The following XCR1 variants were observed in gnomAD, a reference collection of about 807,000 sequenced individuals.
The protein encoded by XCR1 is chemokine XC receptor 1.
For missense variants in XCR1, 356 were observed against 424.2 expected (o/e 0.84, Z 1.41); for synonymous variants, 187 against 188.5 (o/e 0.99, Z 0.06).
upstream of XCR1, among the ~76,000 whole-genome samples, chr3:46,029,924 TA>T (rs1308772496): frequency 6.6e-6 from 1 of 152,252 alleles, no homozygotes; most frequent in African/African-American, 2.4e-5. Context: ...TATGCTATTG[TA>T]AATGGAATTG....
At chr3:46,041,154 G>C (rs1376103254) in intron 5 of XCR1, among the ~76,000 whole-genome samples, 1 of 152,104 alleles carries the variant, frequency 6.6e-6, no homozygotes, top group South Asian at 2.1e-4. Flanking sequence ...AACTATTTGT[G>C]AATATTCCTG....
upstream of XCR1, among the ~76,000 whole-genome samples, chr3:46,032,280 G>A (rs1353410194): frequency 6.6e-6 from 1 of 152,204 alleles, no homozygotes; most frequent in African/African-American, 2.4e-5. Flanking sequence ...GGGCCTTGTG[G>A]TTCCTAGCAT....
chr3:46,021,262 G>A lies in XCR1; in HGVS notation c.686C>T (p.Ala229Val). ...GCTGAGGAAGTAGGCCACCACGATG[G>A]CGAAGATGAGCTTGACCGTGCGGTG... Reference protein sequence around the residue: ...RRHRTVKLIFAIVVAYFLSWG... With the variant: ...RRHRTVKLIFVIVVAYFLSWG... Residue 229 changes from alanine to valine, a missense_variant, in exon 2 of 2, where the codon GCC (alanine) becomes GTC (valine). Coordinates refer to ENST00000309285, the MANE Select transcript of XCR1 (RefSeq NM_001024644.2). This position sits in a 1 kb window ranked among gnomAD's most constrained non-coding sequence, Gnocchi z 4.7. The A allele has an allele frequency of 6.2e-7, 1 of 1,614,220 alleles. No homozygotes were observed. Among genetic ancestry groups the A allele is most frequent in the Non-Finnish European group, 8.5e-7 (1 of 1,180,044 alleles).
chr3:46,059,924 G>T (rs1697930000), intron 4 of XCR1, among the ~76,000 whole-genome samples: 2 of 152,168 alleles, frequency 1.3e-5, no homozygotes, highest in Admixed American at 1.3e-4. Context: ...CCCTGGAACA[G>T]GTTGCAGTGT....
chr3:46,027,179 G>A (rs988103641), intron 1 of XCR1, among the ~76,000 whole-genome samples: 4 of 152,190 alleles, frequency 2.6e-5, no homozygotes. Flanking sequence ...CTCCCAAAGT[G>A]CTGGAATTAC....
At chr3:46,043,958 G>C (rs753068368) in intron 5 of XCR1, among the ~76,000 whole-genome samples, 3 of 151,962 alleles carry the variant, frequency 2.0e-5, no homozygotes, top group Non-Finnish European at 4.4e-5. Flanking sequence ...CCATCCTAGT[G>C]GGTATGAAGT....
At chr3:46,056,674 A>G (rs895286833) in intron 4 of XCR1, among the ~76,000 whole-genome samples, 1 of 150,556 alleles carries the variant, frequency 6.6e-6, no homozygotes, top group Non-Finnish European at 1.5e-5. Context: ...TTTTGTAGAG[A>G]TGGGGTTTCG....
intron 5 of XCR1, among the ~76,000 whole-genome samples, chr3:46,035,696 C>T (rs1054162790): frequency 2.0e-5 from 3 of 152,172 alleles, no homozygotes; most frequent in Non-Finnish European, 4.4e-5. Context: ...AGGTGAGTGT[C>T]CTTTGTGGGC....
At chr3:46,049,276 T>C (rs934217461) in intron 5 of XCR1, among the ~76,000 whole-genome samples, 2 of 152,230 alleles carry the variant, frequency 1.3e-5, no homozygotes, top group African/African-American at 4.8e-5. Context: ...GTTTGTGTTA[T>C]AGCCCTAATA....
At chr3:46,079,688 T>C (rs146629112) in intron 1 of XCR1, among the ~76,000 whole-genome samples, 127 of 152,262 alleles carry the variant, frequency 8.3e-4, no homozygotes, top group Middle Eastern at 6.8e-3. Context: ...GTGAGACCAC[T>C]ATTATGTATA....
At chr3:46,053,442 G>C (rs1697788004) in intron 5 of XCR1, among the ~76,000 whole-genome samples, 1 of 151,888 alleles carries the variant, frequency 6.6e-6, no homozygotes, top group Non-Finnish European at 1.5e-5. Context: ...GCAACTGGAG[G>C]GGGCGGTATA....
upstream of XCR1, among the ~76,000 whole-genome samples, chr3:46,030,563 A>G (rs954264688): frequency 2.0e-5 from 3 of 152,266 alleles, no homozygotes; most frequent in Non-Finnish European, 2.9e-5. Context: ...TATGTATTTG[A>G]ATGCAGGTTT....
In XCR1 at chr3:46,043,716, C is replaced by CTACACACACACACA. The variant is rs1319404041; in HGVS notation, c.-32+10190_-32+10203dup. ...TGGGCAACATAGTGAGACCTCATCT[C>CTACACACACACACA]TACACACACACACACACACACACAC... is the stretch of plus-strand genomic sequence containing the variant. On this transcript the variant is annotated intron_variant, in intron 5 of 5. Coordinates refer to the XCR1 transcript ENST00000683768. Among the ~76,000 whole-genome samples the CTACACACACACACA allele has an allele frequency of 4.7e-3, 532 of 113,580 alleles. 2 individuals are homozygous for CTACACACACACACA. The highest frequency in any genetic ancestry group is 0.014 in the African/African-American group (498 of 34,798). 74.5% of individuals were successfully genotyped at this position (113,580 alleles called of 152,430 possible).
chr3:46,035,257 A>C (rs760759475), intron 5 of XCR1, among the ~76,000 whole-genome samples: 3 of 152,102 alleles, frequency 2.0e-5, no homozygotes, highest in Non-Finnish European at 2.9e-5. Context: ...CTGGCCCCAT[A>C]GTTCCTGTTT....
At chr3:46,034,961 T>C (rs992235780) in intron 5 of XCR1, among the ~76,000 whole-genome samples, 2 of 152,174 alleles carry the variant, frequency 1.3e-5, no homozygotes, top group African/African-American at 4.8e-5. Context: ...AGTTCCTGTT[T>C]TCTTTTTCTT....
chr3:46,023,824 G>A, intron 1 of XCR1: 1 of 1,530,590 alleles, frequency 6.5e-7, no homozygotes, highest in South Asian at 1.1e-5. Context: ...CAAAATTGCA[G>A]ATTTGAAGAG....
At chr3:46,028,701 C>T (rs773249761), upstream of XCR1, among the ~76,000 whole-genome samples, 5 of 151,570 alleles carry the variant, frequency 3.3e-5, no homozygotes, top group South Asian at 2.1e-4. Flanking sequence ...GAGATACTCT[C>T]GCCTCAGCCT....
At chr3:46,040,196 G>A (rs1448737815) in intron 5 of XCR1, among the ~76,000 whole-genome samples, 1 of 152,098 alleles carries the variant, frequency 6.6e-6, no homozygotes, top group East Asian at 1.9e-4. Flanking sequence ...AGGTCTTACT[G>A]TATAGGAAAC....
chr3:46,027,105 G>A (rs1708308852), intron 1 of XCR1, among the ~76,000 whole-genome samples: 1 of 151,774 alleles, frequency 6.6e-6, no homozygotes, highest in Non-Finnish European at 1.5e-5. Context: ...AGGAACTCCT[G>A]GACTCAAGAA....
Sources: gnomAD v4.1 joint callset for allele counts (sites outside exome capture counted in the v4.1 genomes callset) on GRCh38, gnomAD v4.1.1 for gene constraint, Gnocchi (gnomAD v3.1) non-coding constraint, MANE v1.5 for transcripts, NCBI Gene and HGNC (gene_info 2026-07-23, HGNC 2026-07-21) for gene names.